C5AR2: variants seen among roughly 807,000 people sequenced by gnomAD.
C5AR2 encodes C5a anaphylatoxin chemotactic receptor 2.
For synonymous variants in C5AR2, 224 were observed against 216.5 expected, an observed-to-expected ratio of 1.03 and a Z score of -0.30; for missense variants, 458 against 467.5, an observed-to-expected ratio of 0.98 and a Z score of 0.19.
chr19:47,335,496 G>T (rs1224182338), intron 1 of C5AR2, among the ~76,000 whole-genome samples: 3 of 151,792 alleles, frequency 2.0e-5, no homozygotes, highest in Non-Finnish European at 4.4e-5. Context: ...GATTGGGCTG[G>T]GCATGTTGAC....
At chr19:47,335,951 C>T (rs999461320) in intron 1 of C5AR2, among the ~76,000 whole-genome samples, 11 of 151,952 alleles carry the variant, frequency 7.2e-5, no homozygotes, top group African/African-American at 2.7e-4. Flanking sequence ...CAGCTCTACC[C>T]TTCTAACTTG....
At chr19:47,339,525 C>T (rs1257347686) in intron 1 of C5AR2, among the ~76,000 whole-genome samples, 2 of 152,000 alleles carry the variant, frequency 1.3e-5, no homozygotes, top group Non-Finnish European at 2.9e-5. Context: ...CCATGTTGGC[C>T]AGGCTGGTCT....
In C5AR2 at chr19:47,346,112, A is replaced by G. The variant is rs553140112; in HGVS notation, c.*4299A>G. 1 of 150,734 alleles carries G rather than the reference A, an allele frequency of 6.6e-6. No homozygotes were observed. Among genetic ancestry groups the G allele is most frequent in the South Asian group, 2.1e-4 (1 of 4,750 alleles). 9.3% of individuals were successfully genotyped at this position (150,734 alleles called of 1,614,324 possible). A position where few individuals can be genotyped will look rare whatever the true frequency, so the allele number is the denominator to read the frequency against. ...GCCATATTAGCCAGGCTGGTCTTGAACTCCTGACTCAGGTGATCTGCCCAC... is the reference window on the plus strand; with the variant it reads ...GCCATATTAGCCAGGCTGGTCTTGAGCTCCTGACTCAGGTGATCTGCCCAC... On this transcript the variant is annotated 3_prime_UTR_variant, in exon 2 of 2. Coordinates refer to ENST00000595464, the MANE Select transcript of C5AR2 (RefSeq NM_001271749.2).
chr19:47,339,099 A>G (rs2059371596), intron 1 of C5AR2, among the ~76,000 whole-genome samples: 1 of 151,120 alleles, frequency 6.6e-6, no homozygotes, highest in South Asian at 2.1e-4. Context: ...GGTTGCAGTG[A>G]GCCGAGATCA....
rs533693473 is a variant in C5AR2, at chr19:47,338,033, CCACTG to C, written c.-15-2747_-15-2743del. On this transcript the variant is annotated intron_variant, in intron 1 of 1. Coordinates refer to ENST00000595464, the MANE Select transcript of C5AR2 (RefSeq NM_001271749.2). ...GAGGTTGCAGTGAGCCAAAATAGCG[CCACTG>C]CACTCCAGCCTGGGTAGCAGAGTGA... Among the ~76,000 whole-genome samples, 938 of 150,990 alleles carry C rather than the reference CCACTG, an allele frequency of 6.2e-3. 9 individuals are homozygous for C. Among genetic ancestry groups the C allele is most frequent in the African/African-American group, 0.021 (872 of 41,048 alleles).
At position 47,342,151 on chromosome 19, in the gene C5AR2, TCAAGAC is replaced by T. The variant is rs1969049502; in HGVS notation, c.*341_*346del. The T allele has an allele frequency of 4.5e-6, 1 of 224,518 alleles. No individual in the cohort carries two copies. Among genetic ancestry groups the T allele is most frequent in the Non-Finnish European group, 9.0e-6 (1 of 110,724 alleles). The allele number at this position is 224,518 out of a possible 1,614,324, so 13.9% of individuals were successfully genotyped here. On this transcript the variant is annotated 3_prime_UTR_variant, in exon 2 of 2. Coordinates refer to ENST00000595464, the MANE Select transcript of C5AR2 (RefSeq NM_001271749.2). ...AGGTAGATCACTTGAGGTCAGGACT[TCAAGAC>T]CAGCCTAGCCAATATGGTGAAACCC...
rs535513812 is a variant in C5AR2 at position 47,345,546 on chromosome 19, T to A, written c.*3733T>A. The A allele has an allele frequency of 7.3e-5, 11 of 151,156 alleles. No individual in the cohort carries two copies. The highest frequency in any genetic ancestry group is 3.9e-4 in the East Asian group (2 of 5,116). The allele number at this position is 151,156 out of a possible 1,614,324, so 9.4% of individuals were successfully genotyped here. ...AACCCAGCTAATGTTTTTTTTTTTT[T>A]ATTTTTAGTAGAGACGGGGTTTCTC... On this transcript the variant is annotated 3_prime_UTR_variant, in exon 2 of 2. Coordinates refer to ENST00000595464, the MANE Select transcript of C5AR2 (RefSeq NM_001271749.2).
intron 1 of C5AR2, among the ~76,000 whole-genome samples, chr19:47,340,495 A>AC (rs1968994391): frequency 6.6e-6 from 1 of 151,806 alleles, no homozygotes; most frequent in African/African-American, 2.4e-5. Context: ...GCCCGCCACC[A>AC]CACCCAGCTA....
Position 47,341,734 on chromosome 19 carries a change from G to A in C5AR2, c.935G>A (p.Arg312Lys). The A allele has an allele frequency of 1.2e-6, 2 of 1,613,882 alleles. No individual in the cohort carries two copies. Among genetic ancestry groups the A allele is most frequent in the Non-Finnish European group, 1.7e-6 (2 of 1,180,040 alleles). ...CCAGCTGCCTGTCACTGGGCCCTGA[G>A]GGAGTCCCAGGGCCAGGACGAAAGT... ...SLPAACHWAL[R>K]ESQGQDESVD... Residue 312 changes from arginine (R) to lysine (K), a missense_variant, in exon 2 of 2, where the codon AGG (arginine) becomes AAG (lysine). Physicochemically the swap from Arg to Lys is conservative, Grantham distance 26. Coordinates refer to ENST00000595464, the MANE Select transcript of C5AR2 (RefSeq NM_001271749.2). This position sits in a 1 kb window ranked among gnomAD's most constrained non-coding sequence, Gnocchi z 4.6.
rs1313043308 is a variant in C5AR2 at position 47,340,847 on chromosome 19, C to T, written c.48C>T (p.Leu16=). The T allele has an allele frequency of 3.7e-6, 6 of 1,613,562 alleles. No homozygotes were observed. The Admixed American group carries it at 8.3e-5, about 22-fold the overall frequency. Residue 16 remains leucine (L), a synonymous_variant, in exon 2 of 2, where the codon CTC becomes CTT. Coordinates refer to ENST00000595464, the MANE Select transcript of C5AR2 (RefSeq NM_001271749.2). ...ACGAGTATGGGGATTACAGCGACCTCTCGGACCGCCCTGTGGACTGCCTGG... is the reference window on the plus strand; with the variant it reads ...ACGAGTATGGGGATTACAGCGACCTTTCGGACCGCCCTGTGGACTGCCTGG... The part of the protein sequence containing the change: ...VSYEYGDYSD[L]SDRPVDCLDG...
intron 1 of C5AR2, among the ~76,000 whole-genome samples, chr19:47,340,017 C>CA (rs762383024): frequency 4.6e-5 from 7 of 151,690 alleles, no homozygotes; most frequent in Non-Finnish European, 1.0e-4. Flanking sequence ...GGCTGGAGTG[C>CA]AGGGGTATGA....
At position 47,340,976 on chromosome 19, in the gene C5AR2, G is replaced by A. The variant is rs1969007953; in HGVS notation, c.177G>A (p.Val59=). The A allele has an allele frequency of 6.2e-7, 1 of 1,611,050 alleles. No individual in the cohort carries two copies. The highest frequency in any genetic ancestry group is 8.5e-7 in the Non-Finnish European group (1 of 1,179,902). The part of the protein sequence containing the change: ...GVPGNAMVAW[V]AGKVARRRVG... ...CGGGCAATGCCATGGTGGCCTGGGT[G>A]GCTGGGAAGGTGGCCCGCCGGAGGG... The change falls in exon 2 of 2, where the codon GTG becomes GTA. Residue 59 remains valine, a synonymous_variant. Coordinates refer to ENST00000595464, the MANE Select transcript of C5AR2 (RefSeq NM_001271749.2).
Position 47,345,905 on chromosome 19 carries a change from G to T in C5AR2, c.*4092G>T, listed in dbSNP as rs938017787. 1 of 151,638 alleles carries T rather than the reference G, an allele frequency of 6.6e-6. No individual in the cohort carries two copies. Among genetic ancestry groups the T allele is most frequent in the Non-Finnish European group, 1.5e-5 (1 of 67,914 alleles). The allele number at this position is 151,638 out of a possible 1,614,324, so 9.4% of individuals were successfully genotyped here. ...TATTTTTATTTATTTTTATTTTTTGGAGAAGGAGTCTTGCTCTGTTACCCA... is the reference window on the plus strand; with the variant it reads ...TATTTTTATTTATTTTTATTTTTTGTAGAAGGAGTCTTGCTCTGTTACCCA... On this transcript the variant is annotated 3_prime_UTR_variant, in exon 2 of 2. Coordinates refer to ENST00000595464, the MANE Select transcript of C5AR2 (RefSeq NM_001271749.2).
Position 47,344,076 on chromosome 19 carries a change from T to A in C5AR2, c.*2263T>A, listed in dbSNP as rs1375527703. On this transcript the variant is annotated 3_prime_UTR_variant, in exon 2 of 2. Coordinates refer to ENST00000595464, the MANE Select transcript of C5AR2 (RefSeq NM_001271749.2). ...TACATGGTAGGCCAGGCATGGTGGC[T>A]CACGCCTGTGATCCCAGCACTTTCG... 5.9e-5 allele frequency: 9 copies of A among 152,210 alleles called. No individual in the cohort carries two copies. Among genetic ancestry groups the A allele is most frequent in the African/African-American group, 1.9e-4 (8 of 41,486 alleles). The allele number at this position is 152,210 out of a possible 1,614,324, so 9.4% of individuals were successfully genotyped here. A position where few individuals can be genotyped will look rare whatever the true frequency, so the allele number is the denominator to read the frequency against.
chr19:47,343,895 C>T lies in C5AR2; in HGVS notation c.*2082C>T, dbSNP rs1969081449. The T allele has an allele frequency of 6.6e-6, 1 of 152,108 alleles. No individual in the cohort carries two copies. The highest frequency in any genetic ancestry group is 2.4e-5 in the African/African-American group (1 of 41,418). 9.4% of individuals were successfully genotyped at this position (152,108 alleles called of 1,614,324 possible). ...TTTCAAATTTAGTTCCTCGGGCACA[C>T]TGGCCATAGTTCAAGTGCTCAGTAG... On this transcript the variant is annotated 3_prime_UTR_variant, in exon 2 of 2. Transcript: ENST00000595464.
In C5AR2 at chr19:47,340,898, G is replaced by T. The variant is rs199636455; in HGVS notation, c.99G>T (p.Pro33=). 12 of 1,612,954 alleles carry T rather than the reference G, an allele frequency of 7.4e-6. No individual in the cohort carries two copies. Among genetic ancestry groups the T allele is most frequent in the East Asian group, 6.7e-5 (3 of 44,860 alleles). Residue 33 remains proline (P), a synonymous_variant, in exon 2 of 2, where the codon CCG becomes CCT. Transcript: ENST00000595464. ...CLDGACLAID[P]LRVAPLPLYA... ...ATGGCGCCTGCCTGGCCATCGACCC[G>T]CTGCGCGTGGCCCCGCTCCCACTGT...
Position 47,341,001 on chromosome 19 carries a change from G to T in C5AR2, c.202G>T (p.Val68Leu), listed in dbSNP as rs148105937. The T allele has an allele frequency of 4.7e-5, 76 of 1,609,810 alleles. No individual in the cohort carries two copies. In the African/African-American group the frequency reaches 7.5e-4, roughly 16 times the overall value. Residue 68 changes from valine (V) to leucine (L), a missense_variant, in exon 2 of 2, where the codon GTG (valine) becomes TTG (leucine). By Grantham distance (32) the Val-to-Leu change is conservative (BLOSUM62 1). Coordinates refer to ENST00000595464, the MANE Select transcript of C5AR2 (RefSeq NM_001271749.2). This position sits in a 1 kb window ranked among gnomAD's most constrained non-coding sequence, Gnocchi z 4.6. ...WVAGKVARRR[V>L]GATWLLHLAV... is the part of the protein sequence containing the mutation. Reference sequence around the variant, plus strand: ...GGCTGGGAAGGTGGCCCGCCGGAGGGTGGGTGCCACCTGGTTGCTCCACCT... The same window carrying T: ...GGCTGGGAAGGTGGCCCGCCGGAGGTTGGGTGCCACCTGGTTGCTCCACCT...
chr19:47,333,462 A>C (rs2059346689), intron 1 of C5AR2, among the ~76,000 whole-genome samples: 1 of 152,096 alleles, frequency 6.6e-6, no homozygotes, highest in Admixed American at 6.6e-5. Flanking sequence ...GCTGCTGTGA[A>C]CATTCTGGCA....
At chr19:47,338,180 G>A (rs1269645511) in intron 1 of C5AR2, among the ~76,000 whole-genome samples, 1 of 152,104 alleles carries the variant, frequency 6.6e-6, no homozygotes, top group Non-Finnish European at 1.5e-5. Context: ...GGGGGCAGAG[G>A]TGGGAGGATC....
Sources: gnomAD v4.1 joint callset for allele counts (sites outside exome capture counted in the v4.1 genomes callset) on GRCh38, gnomAD v4.1.1 for gene constraint, Gnocchi (gnomAD v3.1) non-coding constraint, MANE v1.5 for transcripts, NCBI Gene and HGNC (gene_info 2026-07-23, HGNC 2026-07-21) for gene names.